Variants in SUGCT observed in about 807,000 individuals in gnomAD.
SUGCT encodes succinyl-CoA:glutarate CoA-transferase.
A neutral mutation model predicts 55.0 loss-of-function variants in SUGCT; 41 were observed. The ratio of observed to expected loss-of-function variants is 0.74; its 90% confidence interval spans 0.58 to 0.97. The LOEUF (loss-of-function observed/expected upper bound fraction) is 0.97, where lower values mean the gene tolerates loss of function less well. Among genes scored for constraint, SUGCT ranks in the 50% least tolerant of loss-of-function variants. SUGCT has a pLI of 0.00. For missense variants in SUGCT, 568 were observed against 547.8 expected, an observed-to-expected ratio of 1.04 and a Z score of -0.37; for synonymous variants, 187 against 200.4, an observed-to-expected ratio of 0.93 and a Z score of 0.56.
At chr7:40,967,498 C>G in the SUGCT span, among the ~76,000 whole-genome samples, 1 of 152,200 alleles carries the variant, frequency 6.6e-6, no homozygotes, top group Admixed American at 6.5e-5. Context: ...TTCCTGCTTC[C>G]CAATCTCACA....
intron 12 of SUGCT, among the ~76,000 whole-genome samples, chr7:40,647,069 C>T (rs1206826498): frequency 6.6e-6 from 1 of 152,188 alleles, no homozygotes; most frequent in Non-Finnish European, 1.5e-5. Flanking sequence ...AGGCCTTCAG[C>T]ACATGCAGCT....
At position 40,203,729 on chromosome 7, in the gene SUGCT, C is replaced by A. The variant is rs959303991; in HGVS notation, c.484+8669C>A. The stretch of plus-strand genomic sequence containing the variant: ...GGCGGAAGTTGCAGTGAGCTGAGAT[C>A]GCACCATTGCACTCCAGCCTGGGCA... On this transcript the variant is annotated intron_variant, in intron 6 of 13. Transcript: ENST00000335693. 2.0e-5 allele frequency among the ~76,000 whole-genome samples: 3 copies of A among 150,652 alleles called. No individual in the cohort carries two copies. In the East Asian group the frequency reaches 5.9e-4, roughly 29 times the overall value.
intron 13 of SUGCT, among the ~76,000 whole-genome samples, chr7:40,840,331 T>A (rs1486119802): frequency 1.3e-5 from 2 of 152,062 alleles, no homozygotes; most frequent in Non-Finnish European, 2.9e-5. Flanking sequence ...TGGGTGGAGG[T>A]CAGTCCTGCA....
chr7:40,948,616 GC>G, the SUGCT span, among the ~76,000 whole-genome samples: 1 of 149,662 alleles, frequency 6.7e-6, no homozygotes, highest in East Asian at 2.0e-4. Flanking sequence ...TCCCCCACCC[GC>G]CGACAGGCCC....
the SUGCT span, among the ~76,000 whole-genome samples, chr7:40,981,224 TG>T: frequency 6.6e-6 from 1 of 152,204 alleles, no homozygotes; most frequent in Admixed American, 6.5e-5. Flanking sequence ...TGATGAAGTC[TG>T]AATTGTGGCT....
the SUGCT span, among the ~76,000 whole-genome samples, chr7:40,955,425 CT>C: frequency 1.3e-5 from 2 of 152,118 alleles, no homozygotes; most frequent in Admixed American, 1.3e-4. Context: ...CATGATTTGG[CT>C]CTCTGTTTTT....
At chr7:40,570,866 T>TC (rs1323958894) in intron 12 of SUGCT, among the ~76,000 whole-genome samples, 1 of 140,060 alleles carries the variant, frequency 7.1e-6, no homozygotes, top group Non-Finnish European at 1.5e-5. Context: ...TTTTTTTTTT[T>TC]TTTTTTTTTT....
intron 9 of SUGCT, among the ~76,000 whole-genome samples, chr7:40,365,279 A>G (rs1783877988): frequency 6.6e-6 from 1 of 152,144 alleles, no homozygotes; most frequent in Non-Finnish European, 1.5e-5. Flanking sequence ...AATAAGAGCT[A>G]TCTATGACAA....
chr7:40,263,931 G>T (rs2150969096), intron 7 of SUGCT, among the ~76,000 whole-genome samples: 1 of 151,646 alleles, frequency 6.6e-6, no homozygotes, highest in African/African-American at 2.4e-5. Context: ...TTTGTGGTTT[G>T]TTGAGGTTTA....
the SUGCT span, among the ~76,000 whole-genome samples, chr7:41,010,507 T>C: frequency 6.6e-6 from 1 of 152,214 alleles, no homozygotes; most frequent in South Asian, 2.1e-4. Flanking sequence ...GGCAGAGGCC[T>C]TGAAGCGGAA....
chr7:40,332,443 A>ATTTTTTTTTT (rs57902207), intron 9 of SUGCT, among the ~76,000 whole-genome samples: 1 of 139,352 alleles, frequency 7.2e-6, no homozygotes, highest in Non-Finnish European at 1.6e-5. Context: ...TCTGCATTGG[A>ATTTTTTTTTT]TTTTTTTTTT....
At chr7:40,510,121 A>G (rs1196252395) in intron 12 of SUGCT, among the ~76,000 whole-genome samples, 1 of 152,146 alleles carries the variant, frequency 6.6e-6, no homozygotes, top group Non-Finnish European at 1.5e-5. Flanking sequence ...AAAATAATAA[A>G]TAACCAGAAT....
chr7:40,908,666 A>G, the SUGCT span, among the ~76,000 whole-genome samples: 1 of 152,138 alleles, frequency 6.6e-6, no homozygotes, highest in Non-Finnish European at 1.5e-5. Context: ...AATATAAAAA[A>G]TATAAAAATA....
chr7:40,361,759 G>A (rs969011134), intron 9 of SUGCT, among the ~76,000 whole-genome samples: 2 of 152,018 alleles, frequency 1.3e-5, no homozygotes, highest in African/African-American at 4.8e-5. Context: ...AGACTTGGGA[G>A]TCACTGGCAT....
At chr7:40,569,937 A>G (rs183858983) in intron 12 of SUGCT, among the ~76,000 whole-genome samples, 326 of 152,326 alleles carry the variant, frequency 2.1e-3, no homozygotes, top group Middle Eastern at 6.8e-3. Context: ...TCTTTCACCA[A>G]TCATGAAGTG....
intron 12 of SUGCT, among the ~76,000 whole-genome samples, chr7:40,600,528 A>T (rs570074152): frequency 2.0e-5 from 3 of 152,156 alleles, no homozygotes; most frequent in Non-Finnish European, 2.9e-5. Flanking sequence ...AGTTTGGGGG[A>T]TATAATTGTA....
chr7:40,269,421 C>G (rs1478440728), intron 7 of SUGCT, among the ~76,000 whole-genome samples: 1 of 152,098 alleles, frequency 6.6e-6, no homozygotes, highest in Non-Finnish European at 1.5e-5. Context: ...CTCCTGGGTT[C>G]AAGCAATCCT....
intron 13 of SUGCT, among the ~76,000 whole-genome samples, chr7:40,765,827 G>A (rs546446701): frequency 7.2e-5 from 11 of 152,268 alleles, no homozygotes; most frequent in South Asian, 2.1e-4. Flanking sequence ...CAACCAGGGC[G>A]CCTTCTCTCA....
the SUGCT span, among the ~76,000 whole-genome samples, chr7:41,032,269 T>C: frequency 6.6e-6 from 1 of 152,076 alleles, no homozygotes; most frequent in Non-Finnish European, 1.5e-5. Context: ...TCCTTGCTAA[T>C]AGAATCCCAG....
Sources: gnomAD v4.1 joint callset for allele counts (sites outside exome capture counted in the v4.1 genomes callset) on GRCh38, gnomAD v4.1.1 for gene constraint, MANE v1.5 for transcripts, NCBI Gene and HGNC (gene_info 2026-07-23, HGNC 2026-07-21) for gene names.